The following CYSLTR2 variants were observed in gnomAD, a reference collection of about 807,000 sequenced individuals.
The protein encoded by CYSLTR2 is G-protein coupled receptor GPCR21.
For missense variants in CYSLTR2, 398 were observed against 411.9 expected (o/e 0.97, Z 0.29); for synonymous variants, 179 against 160.8 (o/e 1.11, Z -0.86).
At chr13:48,697,337 C>A (rs1954219163) in intron 4 of CYSLTR2, among the ~76,000 whole-genome samples, 1 of 152,146 alleles carries the variant, frequency 6.6e-6, no homozygotes, top group Non-Finnish European at 1.5e-5. Context: ...CAGGCAGCAA[C>A]ATTTGCCGTT....
intron 1 of CYSLTR2, among the ~76,000 whole-genome samples, chr13:48,681,766 C>G (rs74074716): frequency 6.6e-6 from 1 of 152,192 alleles, no homozygotes; most frequent in Non-Finnish European, 1.5e-5. Flanking sequence ...CTGCCTCTCT[C>G]GAGCTGCCCT....
At position 48,707,671 on chromosome 13, in the gene CYSLTR2, AAGCTTTGGTTATCACACTGGCCTTGGC is replaced by A; in HGVS notation, c.858_884del (p.Leu287_Ala295del). The A allele has an allele frequency of 1.2e-6, 2 of 1,614,104 alleles. No homozygotes were observed. On this transcript the variant is annotated inframe_deletion, in exon 5 of 5. Transcript: ENST00000682523. ...GGTTTATGCAAAGACAGACTGCATA[AAGCTTTGGTTATCACACTGGCCTTGGC>A]AGCAGCCAATGCCTGCTTCAATCCT... is the stretch of plus-strand genomic sequence containing the variant.
chr13:48,679,363 A>G (rs562032461), intron 1 of CYSLTR2, among the ~76,000 whole-genome samples: 1 of 152,096 alleles, frequency 6.6e-6, no homozygotes, highest in East Asian at 1.9e-4. Context: ...TGCTTGACCC[A>G]TTCATCACCC....
At chr13:48,680,800 CTTT>C (rs139896583) in intron 1 of CYSLTR2, among the ~76,000 whole-genome samples, 3 of 55,046 alleles carry the variant, frequency 5.4e-5, no homozygotes, top group African/African-American at 2.1e-4. Context: ...CTTTTCTTTT[CTTT>C]TTTTTTTTTT....
At chr13:48,705,144 T>G (rs1475162870) in intron 4 of CYSLTR2, among the ~76,000 whole-genome samples, 1 of 152,224 alleles carries the variant, frequency 6.6e-6, no homozygotes, top group Non-Finnish European at 1.5e-5. Context: ...GTCTTCTTAG[T>G]GGTTAAACCC....
intron 1 of CYSLTR2, among the ~76,000 whole-genome samples, chr13:48,673,524 A>G (rs1229953040): frequency 7.8e-6 from 1 of 128,378 alleles, no homozygotes; most frequent in Admixed American, 1.0e-4. Context: ...GTCTTTGCAT[A>G]TGGGACTGGT....
chr13:48,657,136 T>C (rs1484791840), intron 1 of CYSLTR2, among the ~76,000 whole-genome samples: 1 of 152,250 alleles, frequency 6.6e-6, no homozygotes, highest in African/African-American at 2.4e-5. Context: ...ACTTTATTAG[T>C]TACAGCTAAT....
chr13:48,686,281 G>A (rs1196703012), intron 1 of CYSLTR2, among the ~76,000 whole-genome samples: 1 of 152,084 alleles, frequency 6.6e-6, no homozygotes, highest in African/African-American at 2.4e-5. Context: ...TCATTATATG[G>A]ATTCTCAGGG....
chr13:48,678,893 C>T (rs1953672471), intron 1 of CYSLTR2, among the ~76,000 whole-genome samples: 1 of 152,100 alleles, frequency 6.6e-6, no homozygotes, highest in African/African-American at 2.4e-5. Context: ...TGCACAATCA[C>T]AAGAGCACCC....
chr13:48,672,346 C>T (rs923919353), intron 1 of CYSLTR2, among the ~76,000 whole-genome samples: 8 of 151,988 alleles, frequency 5.3e-5, no homozygotes, highest in African/African-American at 1.9e-4. Flanking sequence ...GCTCTTGCTT[C>T]TCTAGTTCTT....
At position 48,707,060 on chromosome 13, in the gene CYSLTR2, C is replaced by A. The variant is rs780119389; in HGVS notation, c.243C>A (p.Ala81=). Residue 81 remains alanine, a synonymous_variant, in exon 5 of 5, where the codon GCC becomes GCA. Transcript: ENST00000682523. The part of the protein sequence containing the change: ...TSVNVFMLNL[A]ISDLLFISTL... ...TGAACGTTTTCATGCTAAATCTGGC[C>A]ATTTCAGATCTCCTGTTCATAAGCA... is the stretch of plus-strand genomic sequence containing the variant. 6.2e-7 allele frequency: 1 copy of A among 1,614,166 alleles called. No individual in the cohort carries two copies. The highest frequency in any genetic ancestry group is 1.1e-5 in the South Asian group (1 of 91,080).
At chr13:48,657,264 A>G (rs1005497699) in intron 1 of CYSLTR2, among the ~76,000 whole-genome samples, 1 of 152,244 alleles carries the variant, frequency 6.6e-6, no homozygotes, top group Non-Finnish European at 1.5e-5. Flanking sequence ...TTGTGGCAGT[A>G]CAGTCAGTCT....
intron 2 of CYSLTR2, among the ~76,000 whole-genome samples, chr13:48,692,389 C>T (rs1954061454): frequency 6.6e-6 from 1 of 151,866 alleles, no homozygotes; most frequent in African/African-American, 2.4e-5. Flanking sequence ...TCTAATTTTA[C>T]TCTTTTTGTA....
intron 2 of CYSLTR2, among the ~76,000 whole-genome samples, chr13:48,692,370 G>T (rs1954060848): frequency 6.6e-6 from 1 of 151,770 alleles, no homozygotes; most frequent in Non-Finnish European, 1.5e-5. Flanking sequence ...ATATTAAAAA[G>T]ACTCCAATTC....
intron 1 of CYSLTR2, among the ~76,000 whole-genome samples, chr13:48,683,411 T>A (rs1279655232): frequency 6.6e-6 from 1 of 152,234 alleles, no homozygotes; most frequent in Non-Finnish European, 1.5e-5. Flanking sequence ...GACTTTTTAA[T>A]AATAGCCATT....
intron 1 of CYSLTR2, among the ~76,000 whole-genome samples, chr13:48,658,995 G>T (rs1156878867): frequency 6.6e-6 from 1 of 152,104 alleles, no homozygotes; most frequent in East Asian, 1.9e-4. Flanking sequence ...CATTGAGGAG[G>T]CTGTGCCCAT....
intron 1 of CYSLTR2, among the ~76,000 whole-genome samples, chr13:48,665,263 G>A (rs111326945): frequency 2.0e-5 from 3 of 151,980 alleles, no homozygotes; most frequent in African/African-American, 4.8e-5. Flanking sequence ...TGTTTCACAC[G>A]CTGATGAAAA....
intron 4 of CYSLTR2, among the ~76,000 whole-genome samples, chr13:48,701,286 T>G (rs1035242018): frequency 1.3e-5 from 2 of 152,082 alleles, no homozygotes; most frequent in African/African-American, 2.4e-5. Flanking sequence ...AAAACAGAGA[T>G]ATAGACCAAT....
At chr13:48,666,857 C>A (rs1269482305) in intron 1 of CYSLTR2, among the ~76,000 whole-genome samples, 1 of 152,076 alleles carries the variant, frequency 6.6e-6, no homozygotes, top group Non-Finnish European at 1.5e-5. Context: ...CACTGAGTCA[C>A]CTTCAGATTA....
Sources: allele counts gnomAD v4.1 joint callset (sites outside exome capture counted in the v4.1 genomes callset), GRCh38; gene constraint gnomAD v4.1.1; transcripts MANE v1.5; gene names NCBI Gene and HGNC (gene_info 2026-07-23, HGNC 2026-07-21).